TRPM1: variants seen among roughly 807,000 people sequenced by gnomAD.
TRPM1 encodes the protein TRPM1-203 APA Isoform, Intron 10.
TRPM1 carries 113 observed loss-of-function variants against 149.4 expected under a neutral mutation model. The ratio of observed to expected loss-of-function variants is 0.76; its 90% CI spans 0.65 to 0.88. The LOEUF is 0.88. TRPM1 is among the 40% of genes least tolerant of loss of function. TRPM1 has a pLI of 0.00. For missense variants in TRPM1, 1,976 were observed against 2,038.7 expected (o/e 0.97, Z 0.59); for synonymous variants, 741 against 759.5 (o/e 0.98, Z 0.40).
intron 23 of TRPM1, 70 bp from the exon 24 acceptor site, chr15:31,029,461 G>A (rs893454125): frequency 1.3e-6 from 2 of 1,488,090 alleles, no homozygotes; most frequent in African/African-American, 2.8e-5. Flanking sequence ...AAGAAAATAA[G>A]ATGATGGTTG....
Position 31,011,572 on chromosome 15 carries a change from T to C in TRPM1, c.3630-8502A>G, listed in dbSNP as rs556855727. ...CACCTGGCTCTTGTTCTTTCTTTTA[T>C]CATATGTTTTTCAGTTATTTTCTTA... On this transcript the variant is annotated intron_variant, in intron 27 of 27. Transcript: ENST00000256552. Among the ~76,000 whole-genome samples the C allele has an allele frequency of 6.6e-5, 10 of 152,202 alleles. No homozygotes were observed. The South Asian group carries it at 2.1e-3, about 32-fold the overall frequency.
chr15:31,062,544 C>T, intron 9 of TRPM1, 35 bp downstream of exon 9: 2 of 1,613,290 alleles, frequency 1.2e-6, no homozygotes, highest in Non-Finnish European at 1.7e-6. Context: ...ATTCTCTCCA[C>T]AGAGCTTGTT....
intron 1 of TRPM1, among the ~76,000 whole-genome samples, chr15:31,118,794 A>G (rs1334121154): frequency 2.6e-5 from 4 of 152,190 alleles, no homozygotes; most frequent in African/African-American, 9.7e-5. Context: ...TGATAAGGGC[A>G]TGAATCCCAT....
At position 31,042,133 on chromosome 15, in the gene TRPM1, G is replaced by A. The variant is rs377099385; in HGVS notation, c.1905C>T (p.His635=). 3.9e-5 allele frequency: 63 copies of A among 1,614,060 alleles called. No homozygotes were observed. Among genetic ancestry groups the A allele is most frequent in the Admixed American group, 6.7e-5 (4 of 59,992 alleles). ...PAVSRFQYPF[H]ELMVWAVLMK... is the part of the protein sequence containing the mutation. ...TCAGCACTGCCCACACCATCAGCTC[G>A]TGGAAGGGATACTGGAACCGACTCA... The change falls in exon 17 of 28, where the codon CAC becomes CAT. Residue 635 remains histidine, a synonymous_variant. Coordinates refer to ENST00000256552, the MANE Select transcript of TRPM1 (RefSeq NM_001252024.2).
At chr15:31,075,823 T>C (rs1002184212) in intron 3 of TRPM1, among the ~76,000 whole-genome samples, 3 of 152,240 alleles carry the variant, frequency 2.0e-5, no homozygotes, top group Admixed American at 2.0e-4. Flanking sequence ...ATTCCTTTAC[T>C]TGCTGTTTGT....
chr15:31,040,031 A>C lies in TRPM1; in HGVS notation c.2316+87T>G, dbSNP rs2033558029. The stretch of plus-strand genomic sequence containing the variant: ...GGGGTTGCTAGAAGGAATAAATGAA[A>C]TAAGCCACAGAAAGTGCTCAGTTCA... On this transcript the variant is annotated intron_variant, in intron 18 of 27. Transcript: ENST00000256552. The surrounding 1 kb of genome is among the most constrained non-coding windows in gnomAD (Gnocchi z 4.2). The C allele has an allele frequency of 1.7e-6, 2 of 1,186,568 alleles. No individual in the cohort carries two copies. Among genetic ancestry groups the C allele is most frequent in the South Asian group, 2.5e-5 (2 of 81,082 alleles). The allele number at this position is 1,186,568 out of a possible 1,614,324, so 73.5% of individuals were successfully genotyped here.
chr15:31,076,335 C>G (rs1402701698), intron 3 of TRPM1, among the ~76,000 whole-genome samples: 4 of 152,108 alleles, frequency 2.6e-5, no homozygotes, highest in African/African-American at 7.2e-5. Flanking sequence ...TTCCCCTTCC[C>G]CCAGACTCAG....
At chr15:31,021,569 G>A (rs140083807) in intron 27 of TRPM1, among the ~76,000 whole-genome samples, 1,955 of 151,998 alleles carry the variant, frequency 0.013, 38 homozygotes, top group African/African-American at 0.045. Flanking sequence ...GGTGGTGCAC[G>A]CCTGTAGCCT....
chr15:31,112,405 G>A (rs2035702238), intron 1 of TRPM1, among the ~76,000 whole-genome samples: 2 of 152,200 alleles, frequency 1.3e-5, no homozygotes, highest in African/African-American at 4.8e-5. Flanking sequence ...TTGAACCTGG[G>A]AGGTGGAGGT....
At chr15:31,089,493 A>G (rs1250542862) in intron 1 of TRPM1, among the ~76,000 whole-genome samples, 1 of 152,182 alleles carries the variant, frequency 6.6e-6, no homozygotes, top group African/African-American at 2.4e-5. Flanking sequence ...ACACTGCTGG[A>G]GAACACTGGG....
At position 31,067,173 on chromosome 15, in the gene TRPM1, C is replaced by T. The variant is rs368657105; in HGVS notation, c.508G>A (p.Val170Ile). Residue 170 changes from valine (V) to isoleucine (I), a missense_variant, in exon 6 of 28, where the codon GTA (valine) becomes ATA (isoleucine). Around this residue, in one of 3 missense-constraint regions of TRPM1, gnomAD observed 1,332 missense variants for 1,347.1 expected, o/e 0.99. Coordinates refer to ENST00000256552, the MANE Select transcript of TRPM1 (RefSeq NM_001252024.2). Reference sequence around the variant, plus strand: ...GAGTGGTCTTTCAAGGCATCCCCTACGTGGCTGATAACACCTGTGAGCAGC... The same window carrying T: ...GAGTGGTCTTTCAAGGCATCCCCTATGTGGCTGATAACACCTGTGAGCAGC... ...GGVSTGVISH[V>I]GDALKDHSSK... 1.4e-5 allele frequency: 23 copies of T among 1,614,060 alleles called. No individual in the cohort carries two copies. The highest frequency in any genetic ancestry group is 1.1e-4 in the African/African-American group (8 of 74,932).
In TRPM1 at chr15:31,050,469, C is replaced by T. The variant is rs1318212147; in HGVS notation, c.1377G>A (p.Gly459=). The T allele has an allele frequency of 3.7e-6, 6 of 1,614,032 alleles. No homozygotes were observed. Among genetic ancestry groups the T allele is most frequent in the Non-Finnish European group, 4.2e-6 (5 of 1,180,032 alleles). Residue 459 remains glycine (G), a synonymous_variant, in exon 12 of 28, where the codon GGG becomes GGA. Coordinates refer to ENST00000256552, the MANE Select transcript of TRPM1 (RefSeq NM_001252024.2). The stretch of plus-strand genomic sequence containing the variant: ...CTTCCTCCACTTCCTCTTTCACTTT[C>T]CCTTTCTTCTTGCCTTTCCCTTTTC... ...GRGKGKGKKK[G]KVKEEVEEET... is the part of the protein sequence containing the mutation.
chr15:31,022,440 G>A (rs975753803), intron 27 of TRPM1, among the ~76,000 whole-genome samples: 2 of 152,232 alleles, frequency 1.3e-5, no homozygotes, highest in Admixed American at 1.3e-4. Context: ...AGATCAGCCT[G>A]GGCAACATAG....
At chr15:31,062,950 C>A (rs1301413511) in intron 8 of TRPM1, 168 bp downstream of exon 8, 2 of 1,045,586 alleles carry the variant, frequency 1.9e-6, no homozygotes, top group African/African-American at 3.2e-5. Flanking sequence ...CACCCTGCCT[C>A]TGATGGTTCC....
In TRPM1 at chr15:31,029,976, A is replaced by G. The variant is rs751512481; in HGVS notation, c.3128-585T>C. Among the ~76,000 whole-genome samples the G allele has an allele frequency of 5.9e-5, 9 of 152,184 alleles. 1 individual carries two copies. The highest frequency in any genetic ancestry group is 1.3e-4 in the Non-Finnish European group (9 of 68,028). On this transcript the variant is annotated intron_variant, in intron 23 of 27. Coordinates refer to ENST00000256552, the MANE Select transcript of TRPM1 (RefSeq NM_001252024.2). ...TTAACGTGTATGTATATCTACCTAA[A>G]CTAATATTCTTTTGAAATCAAATTA...
At chr15:31,027,696 G>T (rs753748689) in intron 25 of TRPM1, among the ~76,000 whole-genome samples, 76 of 152,266 alleles carry the variant, frequency 5.0e-4, no homozygotes, top group Non-Finnish European at 7.1e-4. Context: ...CAGAAGTTTG[G>T]ACCAGGTTTT....
chr15:31,003,418 A>C lies in TRPM1; in HGVS notation c.3630-348T>G, dbSNP rs958100408. The stretch of plus-strand genomic sequence containing the variant: ...TCTATTATTATCATCTCCATTTTAC[A>C]GGTGAGGAAATTAAGTCATGGAGCG... On this transcript the variant is annotated intron_variant, in intron 27 of 27. Transcript: ENST00000256552. 2.0e-5 allele frequency among the ~76,000 whole-genome samples: 3 copies of C among 152,212 alleles called. No homozygotes were observed. The South Asian group carries it at 6.2e-4, about 31-fold the overall frequency.
At chr15:31,042,270 G>C in intron 16 of TRPM1, 27 bp from the exon 17 acceptor site, 1 of 1,552,208 alleles carries the variant, frequency 6.4e-7, no homozygotes, top group African/African-American at 1.4e-5. Flanking sequence ...GGATTTCATG[G>C]TTTTGCCATA....
rs2031765160 is a variant in TRPM1 at position 31,001,633 on chromosome 15, G to GA, written c.*188dup. The GA allele has an allele frequency of 3.1e-6, 2 of 642,898 alleles. No homozygotes were observed. The highest frequency in any genetic ancestry group is 3.0e-5 in the Admixed American group (1 of 33,860). The allele number at this position is 642,898 out of a possible 1,614,324, so 39.8% of individuals were successfully genotyped here. ...ACTTTCATTTGATACTACTGCAACT[G>GA]AAAAAACTAAGCCTACTAACATATG... On this transcript the variant is annotated 3_prime_UTR_variant, in exon 28 of 28. Coordinates refer to ENST00000256552, the MANE Select transcript of TRPM1 (RefSeq NM_001252024.2).
Sources: gnomAD v4.1 joint callset for allele counts (sites outside exome capture counted in the v4.1 genomes callset) on GRCh38, gnomAD v4.1.1 for gene constraint, gnomAD v4.1.1 regional missense constraint, Gnocchi (gnomAD v3.1) non-coding constraint, MANE v1.5 for transcripts, NCBI Gene and HGNC (gene_info 2026-07-23, HGNC 2026-07-21) for gene names.